RABGAP1L: variants seen among roughly 807,000 people sequenced by gnomAD.
RABGAP1L encodes RAB GTPase activating protein 1 like.
RABGAP1L carries 63 observed loss-of-function variants against 137.7 expected under a neutral mutation model. That is an observed-to-expected ratio of 0.46 (90% CI 0.37 to 0.56). RABGAP1L has a LOEUF of 0.56. Ranked by LOEUF, RABGAP1L falls within the 20% of genes least tolerant of loss-of-function variation. RABGAP1L has a pLI of 0.00. For synonymous variants in RABGAP1L, 431 were observed against 433.7 expected, an observed-to-expected ratio of 0.99 and a Z score of 0.08; for missense variants, 1,095 against 1,244.0, an observed-to-expected ratio of 0.88 and a Z score of 1.80.
At chr1:174,254,988 C>T (rs1331210792) in intron 7 of RABGAP1L, among the ~76,000 whole-genome samples, 1 of 152,202 alleles carries the variant, frequency 6.6e-6, no homozygotes, top group Non-Finnish European at 1.5e-5. Context: ...TCCACATTCT[C>T]TCCAGCATCT....
chr1:174,393,305 T>C (rs1488572703), intron 12 of RABGAP1L, among the ~76,000 whole-genome samples: 1 of 152,212 alleles, frequency 6.6e-6, no homozygotes, highest in Non-Finnish European at 1.5e-5. Context: ...TAATGAACTC[T>C]TCTTACTAGA....
At chr1:174,488,776 A>G (rs1659924632) in intron 13 of RABGAP1L, among the ~76,000 whole-genome samples, 1 of 150,194 alleles carries the variant, frequency 6.7e-6, no homozygotes, top group Non-Finnish European at 1.5e-5. Context: ...GTCTATTTTT[A>G]TTATTATATT....
At chr1:174,859,422 G>T (rs990345735) in intron 19 of RABGAP1L, among the ~76,000 whole-genome samples, 68 of 150,478 alleles carry the variant, frequency 4.5e-4, no homozygotes, top group African/African-American at 1.6e-3. Flanking sequence ...GGCAGAGGTT[G>T]CAGTGAGCGG....
chr1:174,613,457 G>C (rs967766264), intron 13 of RABGAP1L, among the ~76,000 whole-genome samples: 1 of 152,122 alleles, frequency 6.6e-6, no homozygotes, highest in Admixed American at 6.5e-5. Flanking sequence ...TACATTTGCT[G>C]AGGAGAGCTT....
In RABGAP1L at chr1:174,759,620, GT is replaced by G. The variant is rs528410070; in HGVS notation, c.2211+7270del. On this transcript the variant is annotated intron_variant, in intron 18 of 25. Transcript: ENST00000681986. ...CAAAAAAAAAAAAAGAAAAAAAATGGTTTTATTTTGGCTTACAGTTCAACAG... is the reference window on the plus strand; with the variant it reads ...CAAAAAAAAAAAAAGAAAAAAAATGGTTTATTTTGGCTTACAGTTCAACAG... Among the ~76,000 whole-genome samples the G allele has an allele frequency of 4.5e-3, 685 of 151,978 alleles. 4 individuals carry two copies. The highest frequency in any genetic ancestry group is 0.01 in the Admixed American group (153 of 15,254).
intron 14 of RABGAP1L, among the ~76,000 whole-genome samples, chr1:174,660,507 T>C (rs1033210247): frequency 6.6e-6 from 1 of 152,224 alleles, no homozygotes; most frequent in Non-Finnish European, 1.5e-5. Flanking sequence ...TCACTGTAAC[T>C]ACCCTGGTCT....
At chr1:174,684,753 G>T (rs1335221033) in intron 15 of RABGAP1L, among the ~76,000 whole-genome samples, 1 of 152,128 alleles carries the variant, frequency 6.6e-6, no homozygotes, top group Non-Finnish European at 1.5e-5. Flanking sequence ...GAGGCAGGAG[G>T]ATCACTTGAG....
intron 17 of RABGAP1L, among the ~76,000 whole-genome samples, chr1:174,706,734 T>G (rs1031010603): frequency 6.6e-6 from 1 of 152,188 alleles, no homozygotes; most frequent in African/African-American, 2.4e-5. Context: ...TTCACTGCCC[T>G]TTTCCAGTAA....
intron 13 of RABGAP1L, among the ~76,000 whole-genome samples, chr1:174,465,518 T>G (rs1657200022): frequency 6.6e-6 from 1 of 152,054 alleles, no homozygotes; most frequent in African/African-American, 2.4e-5. Flanking sequence ...GTCTTTTGTG[T>G]GCAAGTCATT....
At chr1:174,706,724 T>G in intron 17 of RABGAP1L, among the ~76,000 whole-genome samples, 1 of 152,194 alleles carries the variant, frequency 6.6e-6, no homozygotes, top group Middle Eastern at 3.2e-3. Context: ...CCTCTTCCCC[T>G]TCACTGCCCT....
chr1:174,237,224 A>T (rs1485445683), intron 4 of RABGAP1L, among the ~76,000 whole-genome samples: 1 of 144,864 alleles, frequency 6.9e-6, no homozygotes, highest in Non-Finnish European at 1.5e-5. Context: ...CTCTTTATCC[A>T]ATTTGCCAGT....
At position 174,448,472 on chromosome 1, in the gene RABGAP1L, A is replaced by C. The variant is rs1378021908; in HGVS notation, c.1710+54327A>C. ...GACTTGCCAGGTTTTTGGATATATC[A>C]TCTCAGTTCTAAAAAGTGTTTCTAT... is the stretch of plus-strand genomic sequence containing the variant. On this transcript the variant is annotated intron_variant, in intron 13 of 25. Transcript: ENST00000681986. This position sits in a 1 kb window ranked among gnomAD's most constrained non-coding sequence, Gnocchi z 4.2. 1 of 1,613,896 alleles carries C rather than the reference A, an allele frequency of 6.2e-7. No individual in the cohort carries two copies. Among genetic ancestry groups the C allele is most frequent in the East Asian group, 2.2e-5 (1 of 44,878 alleles).
chr1:174,558,450 A>G (rs1373903133), intron 13 of RABGAP1L, among the ~76,000 whole-genome samples: 1 of 152,194 alleles, frequency 6.6e-6, no homozygotes, highest in African/African-American at 2.4e-5. Flanking sequence ...AAGTTTGCCA[A>G]GAGTTACCCT....
intron 13 of RABGAP1L, among the ~76,000 whole-genome samples, chr1:174,599,174 A>C (rs1670227696): frequency 6.6e-6 from 1 of 152,260 alleles, no homozygotes; most frequent in Non-Finnish European, 1.5e-5. Flanking sequence ...ACTAATGACA[A>C]CTTAACACTG....
chr1:174,816,852 T>C lies in RABGAP1L; in HGVS notation c.2340+4892T>C, dbSNP rs568208645. Among the ~76,000 whole-genome samples the C allele has an allele frequency of 3.1e-3, 467 of 150,826 alleles. 4 individuals are homozygous for C. The highest frequency in any genetic ancestry group is 0.021 in the Middle Eastern group (6 of 292). ...GTTCAAGCAGTTCCCCTGCCCAGCC[T>C]TCCGAGTAGCTGGGACTACAGGCGT... On this transcript the variant is annotated intron_variant, in intron 19 of 25. Transcript: ENST00000681986.
intron 13 of RABGAP1L, among the ~76,000 whole-genome samples, chr1:174,492,767 C>T (rs1443879036): frequency 6.6e-6 from 1 of 152,086 alleles, no homozygotes; most frequent in African/African-American, 2.4e-5. Context: ...AGGCTTTGTT[C>T]TCCTTCCCTT....
intron 13 of RABGAP1L, among the ~76,000 whole-genome samples, chr1:174,403,493 T>C (rs2149108614): frequency 6.6e-6 from 1 of 152,238 alleles, no homozygotes; most frequent in South Asian, 2.1e-4. Flanking sequence ...AGTTTCATCA[T>C]TTTTAAAGCA....
chr1:174,421,108 T>C lies in RABGAP1L; in HGVS notation c.1710+26963T>C, dbSNP rs946955686. Among the ~76,000 whole-genome samples, 38 of 152,204 alleles carry C rather than the reference T, an allele frequency of 2.5e-4. 1 individual carries two copies. Among genetic ancestry groups the C allele is most frequent in the Non-Finnish European group, 5.9e-5 (4 of 68,042 alleles). On this transcript the variant is annotated intron_variant, in intron 13 of 25. Transcript: ENST00000681986. ...GATGTGAATGTGTTTCTAGGGACCC[T>C]TCTGGGACAGAATGAAGACAAGCTA...
intron 13 of RABGAP1L, among the ~76,000 whole-genome samples, chr1:174,540,505 T>C (rs1372591061): frequency 6.6e-6 from 1 of 152,234 alleles, no homozygotes; most frequent in Non-Finnish European, 1.5e-5. Context: ...TTCAGCTTTC[T>C]ACGTATGGCT....
Sources: allele counts gnomAD v4.1 joint callset (sites outside exome capture counted in the v4.1 genomes callset), GRCh38; gene constraint gnomAD v4.1.1; non-coding constraint Gnocchi (gnomAD v3.1); transcripts MANE v1.5; gene names NCBI Gene and HGNC (gene_info 2026-07-23, HGNC 2026-07-21).